The following NFATC3 variants were observed in gnomAD, a reference collection of about 807,000 sequenced individuals.
NFATC3 encodes the protein nuclear factor of activated T cells 3.
In NFATC3, 46 loss-of-function variants were observed where a neutral mutation model predicts 98.6. The observed-to-expected ratio is 0.47, with a 90% CI of 0.37 to 0.60. NFATC3 has a LOEUF of 0.60. Among genes scored for constraint, NFATC3 ranks in the 20% least tolerant of loss-of-function variants. The probability of loss-of-function intolerance (pLI) is 0.00; values close to 1 mark genes in which losing one functional copy is unlikely to be tolerated. For synonymous variants in NFATC3, 512 were observed against 472.2 expected, an observed-to-expected ratio of 1.08 and a Z score of -1.09; for missense variants, 1,256 against 1,295.5, an observed-to-expected ratio of 0.97 and a Z score of 0.47.
intron 1 of NFATC3, among the ~76,000 whole-genome samples, chr16:68,095,942 C>A (rs2034996116): frequency 6.6e-6 from 1 of 152,106 alleles, no homozygotes; most frequent in South Asian, 2.1e-4. Context: ...TCTGATTTGT[C>A]AAAATTGAGA....
rs1292762466 is a variant in NFATC3 at position 68,158,081 on chromosome 16, A to C, written c.1601+13A>C. 1 of 1,582,442 alleles carries C rather than the reference A, an allele frequency of 6.3e-7. No homozygotes were observed. Among genetic ancestry groups the C allele is most frequent in the Non-Finnish European group, 8.7e-7 (1 of 1,156,036 alleles). Reference sequence around the variant, plus strand: ...ATATGTCAGCCAGGTATTTTGAAATATACCTAAAATGTGCAGTTCTTTTTT... The same window carrying C: ...ATATGTCAGCCAGGTATTTTGAAATCTACCTAAAATGTGCAGTTCTTTTTT... On this transcript the variant is annotated intron_variant, in intron 4 of 9. Coordinates refer to ENST00000346183, the MANE Select transcript of NFATC3 (RefSeq NM_173165.3).
In NFATC3 at chr16:68,157,801, A is replaced by G. The variant is rs556688168; in HGVS notation, c.1402-68A>G. 172 of 1,250,440 alleles carry G rather than the reference A, an allele frequency of 1.4e-4. 3 individuals carry two copies. Among genetic ancestry groups the G allele is most frequent in the South Asian group, 6.6e-4 (48 of 73,116 alleles). 77.5% of individuals were successfully genotyped at this position (1,250,440 alleles called of 1,614,324 possible). A position where few individuals can be genotyped will look rare whatever the true frequency, so the allele number is the denominator to read the frequency against. On this transcript the variant is annotated intron_variant, in intron 3 of 9. Coordinates refer to ENST00000346183, the MANE Select transcript of NFATC3 (RefSeq NM_173165.3). ...ATGATAGAGATATAATAGACTTACT[A>G]TTGTTGGCATATTGTAAAATGCATG...
At position 68,226,918 on chromosome 16, in the gene NFATC3, A is replaced by AAG. The variant is rs1469942886; in HGVS notation, c.*448_*449insGA. On this transcript the variant is annotated 3_prime_UTR_variant, in exon 10 of 10. Transcript: ENST00000346183. ...GAAGCAAAAAAAAAAAAAAAAAAAAAAAAAAGAAAAAAAAAGAAAAGAAAA... is the reference window on the plus strand; with the variant it reads ...GAAGCAAAAAAAAAAAAAAAAAAAAAAGAAAAAGAAAAAAAAAGAAAAGAAAA... The AAG allele has an allele frequency of 6.0e-4, 71 of 117,420 alleles. 1 individual carries two copies. Among genetic ancestry groups the AAG allele is most frequent in the African/African-American group, 1.7e-3 (66 of 38,174 alleles). The allele number at this position is 117,420 out of a possible 1,614,324, so 7.3% of individuals were successfully genotyped here. A position where few individuals can be genotyped will look rare whatever the true frequency, so the allele number is the denominator to read the frequency against.
chr16:68,098,815 T>C (rs1267735756), intron 1 of NFATC3, among the ~76,000 whole-genome samples: 1 of 152,250 alleles, frequency 6.6e-6, no homozygotes, highest in Non-Finnish European at 1.5e-5. Flanking sequence ...TTTTATGTGC[T>C]TATTTGCTAT....
At chr16:68,187,814 T>C (rs1024618729) in intron 8 of NFATC3, among the ~76,000 whole-genome samples, 3 of 152,132 alleles carry the variant, frequency 2.0e-5, no homozygotes, top group African/African-American at 7.2e-5. Flanking sequence ...AAAAGCACCG[T>C]AAGTTCGCAC....
chr16:68,170,785 G>A (rs776185134), intron 5 of NFATC3, among the ~76,000 whole-genome samples: 6 of 152,006 alleles, frequency 3.9e-5, no homozygotes, highest in African/African-American at 9.7e-5. Flanking sequence ...AAGCCACTGC[G>A]CCCGGCCTCG....
intron 8 of NFATC3, among the ~76,000 whole-genome samples, chr16:68,188,993 C>A (rs1261599584): frequency 6.6e-6 from 1 of 152,170 alleles, no homozygotes. Context: ...CAGGTGTGAG[C>A]CACTGCGCCC....
At chr16:68,198,493 T>C (rs1187212297) in intron 9 of NFATC3, among the ~76,000 whole-genome samples, 2 of 152,234 alleles carry the variant, frequency 1.3e-5, no homozygotes, top group African/African-American at 4.8e-5. Flanking sequence ...CTAGAATCTG[T>C]AATCAAGTTT....
At chr16:68,216,426 G>A (rs2041639456) in intron 9 of NFATC3, among the ~76,000 whole-genome samples, 1 of 152,136 alleles carries the variant, frequency 6.6e-6, no homozygotes, top group South Asian at 2.1e-4. Flanking sequence ...TGTTTACTCA[G>A]CTGGAGATTT....
At position 68,104,890 on chromosome 16, in the gene NFATC3, A is replaced by G. The variant is rs148143591; in HGVS notation, c.104-17097A>G. 3.4e-3 allele frequency among the ~76,000 whole-genome samples: 521 copies of G among 151,996 alleles called. 6 individuals are homozygous for G. Among genetic ancestry groups the G allele is most frequent in the African/African-American group, 0.012 (482 of 41,428 alleles). ...AGGATGGTCTTGATCTCCTGACCTC[A>G]TGATCCGCCCCTCTTGGCCTCCCAA... On this transcript the variant is annotated intron_variant, in intron 1 of 9. Transcript: ENST00000346183.
Position 68,122,773 on chromosome 16 carries a change from C to T in NFATC3, c.890C>T (p.Pro297Leu). 6.2e-7 allele frequency: 1 copy of T among 1,614,258 alleles called. No homozygotes were observed. The highest frequency in any genetic ancestry group is 8.5e-7 in the Non-Finnish European group (1 of 1,180,048). ...CCCCATCACTCACCTGTTCCTTCAC[C>T]TGGTCACTCCCCCAGGGGAAGTGTG... is the stretch of plus-strand genomic sequence containing the variant. The part of the protein sequence containing the change: ...LSPHHSPVPS[P>L]GHSPRGSVTE... Residue 297 changes from proline (P) to leucine (L), a missense_variant, in exon 2 of 10, where the codon CCT (proline) becomes CTT (leucine). By Grantham distance (98) the Pro-to-Leu change is moderately conservative. Around this residue, in one of 3 missense-constraint regions of NFATC3, gnomAD observed 464 missense variants for 465.7 expected, o/e 1.00. Coordinates refer to ENST00000346183, the MANE Select transcript of NFATC3 (RefSeq NM_173165.3).
intron 3 of NFATC3, among the ~76,000 whole-genome samples, chr16:68,145,261 A>G (rs1320730467): frequency 6.6e-6 from 1 of 151,262 alleles, no homozygotes; most frequent in African/African-American, 2.4e-5. Context: ...CTCCAATCTC[A>G]GTCTTCCTAG....
At chr16:68,201,680 G>C (rs2040922074) in intron 9 of NFATC3, among the ~76,000 whole-genome samples, 1 of 151,460 alleles carries the variant, frequency 6.6e-6, no homozygotes, top group African/African-American at 2.4e-5. Flanking sequence ...GCCAGACACA[G>C]TGGCTCATGC....
chr16:68,174,528 GAGTTGATT>G lies in NFATC3; in HGVS notation c.1915+15_1915+22del. 1 of 1,550,818 alleles carries G rather than the reference GAGTTGATT, an allele frequency of 6.4e-7. No homozygotes were observed. Among genetic ancestry groups the G allele is most frequent in the Non-Finnish European group, 8.7e-7 (1 of 1,150,592 alleles). On this transcript the variant is annotated intron_variant, in intron 6 of 9. Transcript: ENST00000346183. ...AAAAAGGACAAGGTAAGTAATATAT[GAGTTGATT>G]GACTTCAAACTAAGGGGCAAAGGGT...
intron 3 of NFATC3, among the ~76,000 whole-genome samples, chr16:68,134,996 C>G (rs1185197642): frequency 1.3e-5 from 2 of 148,704 alleles, no homozygotes; most frequent in Non-Finnish European, 3.0e-5. Flanking sequence ...TTTTTTTTAT[C>G]GTTTATGGTT....
intron 3 of NFATC3, among the ~76,000 whole-genome samples, chr16:68,126,823 G>A (rs952901718): frequency 1.3e-5 from 2 of 152,112 alleles, no homozygotes; most frequent in Non-Finnish European, 2.9e-5. Context: ...TTTCCTTCTG[G>A]GGAGACTCTG....
chr16:68,137,506 G>T (rs980869505), intron 3 of NFATC3, among the ~76,000 whole-genome samples: 1 of 152,044 alleles, frequency 6.6e-6, no homozygotes, highest in African/African-American at 2.4e-5. Flanking sequence ...GTTGTAATTG[G>T]CAGAGAGGTC....
At chr16:68,217,304 T>C (rs1280313439) in intron 9 of NFATC3, among the ~76,000 whole-genome samples, 1 of 151,716 alleles carries the variant, frequency 6.6e-6, no homozygotes, top group African/African-American at 2.4e-5. Context: ...TGGTGGCTCA[T>C]GCCTATAGTC....
At chr16:68,105,234 G>A (rs2035591939) in intron 1 of NFATC3, among the ~76,000 whole-genome samples, 1 of 151,378 alleles carries the variant, frequency 6.6e-6, no homozygotes, top group Non-Finnish European at 1.5e-5. Flanking sequence ...GGGATTACAG[G>A]CGCCTGCCAC....
Sources: gnomAD v4.1 joint callset for allele counts (sites outside exome capture counted in the v4.1 genomes callset) on GRCh38, gnomAD v4.1.1 for gene constraint, gnomAD v4.1.1 regional missense constraint, MANE v1.5 for transcripts, NCBI Gene and HGNC (gene_info 2026-07-23, HGNC 2026-07-21) for gene names.